BACH2: variants seen among roughly 807,000 people sequenced by gnomAD.
BACH2 encodes the protein BACH transcriptional regulator 2, also known as transcription regulator protein BACH2.
BACH2 carries 5 observed loss-of-function variants against 61.8 expected under a neutral mutation model. The ratio of observed to expected loss-of-function variants is 0.08; its 90% CI spans 0.04 to 0.17. The LOEUF is 0.17. BACH2 is among the 10% of genes least tolerant of loss of function. The probability of loss-of-function intolerance (pLI) is 1.00; values close to 1 mark genes in which losing one functional copy is unlikely to be tolerated. For synonymous variants in BACH2, 446 were observed against 440.1 expected (o/e 1.01, Z -0.17); for missense variants, 824 against 1,091.1 (o/e 0.76, Z 3.45).
chr6:89,959,451 C>G, intron 6 of BACH2, among the ~76,000 whole-genome samples: 1 of 152,108 alleles, frequency 6.6e-6, no homozygotes, highest in East Asian at 1.9e-4. Flanking sequence ...CACATTTTTG[C>G]TATGATTTCT....
chr6:90,286,910 T>C (rs1562543585), intron 1 of BACH2, among the ~76,000 whole-genome samples: 1 of 152,140 alleles, frequency 6.6e-6, no homozygotes, highest in African/African-American at 2.4e-5. Flanking sequence ...AAATTAAGTC[T>C]GGAACAAAGA....
At chr6:90,228,417 A>G (rs903737127) in intron 3 of BACH2, among the ~76,000 whole-genome samples, 1 of 152,234 alleles carries the variant, frequency 6.6e-6, no homozygotes, top group Non-Finnish European at 1.5e-5. Context: ...TTGCTCCTGG[A>G]AGAAAAAAAG....
intron 3 of BACH2, among the ~76,000 whole-genome samples, chr6:90,228,519 G>A (rs927357938): frequency 6.6e-6 from 1 of 152,194 alleles, no homozygotes; most frequent in African/African-American, 2.4e-5. Flanking sequence ...CAAGGCAGGC[G>A]GATTGCTTGA....
At chr6:89,943,213 A>G (rs886293036) in intron 7 of BACH2, among the ~76,000 whole-genome samples, 6 of 152,074 alleles carry the variant, frequency 3.9e-5, no homozygotes, top group Non-Finnish European at 5.9e-5. Flanking sequence ...TGGAACCTAC[A>G]TATGTCTCCT....
chr6:90,006,393 G>T (rs1777407537), intron 6 of BACH2, among the ~76,000 whole-genome samples: 1 of 152,180 alleles, frequency 6.6e-6, no homozygotes. Context: ...CCTGGCTACA[G>T]TGCAGCTGCC....
intron 4 of BACH2, among the ~76,000 whole-genome samples, chr6:90,137,661 T>A (rs1232688946): frequency 6.6e-6 from 1 of 152,218 alleles, no homozygotes; most frequent in Non-Finnish European, 1.5e-5. Context: ...GAGCTCATTT[T>A]TCTATGATTT....
intron 6 of BACH2, among the ~76,000 whole-genome samples, chr6:89,968,883 T>TGG (rs1775194886): frequency 3.3e-5 from 5 of 152,022 alleles, no homozygotes; most frequent in Non-Finnish European, 7.4e-5. Context: ...TGGTGGCGTA[T>TGG]GCCTGTAGTC....
At chr6:90,204,741 G>C (rs1769083031) in intron 4 of BACH2, among the ~76,000 whole-genome samples, 1 of 152,060 alleles carries the variant, frequency 6.6e-6, no homozygotes, top group Non-Finnish European at 1.5e-5. Flanking sequence ...CAAATACTAG[G>C]AGCCAAAAAA....
Position 89,950,240 on chromosome 6 carries a change from C to T in BACH2, c.1836+30G>A, listed in dbSNP as rs764771743. ...CAGATAAAGGGCCTAGAGAGTGGGT[C>T]ACATGCTTGAATTTATGTGGGTTCC... On this transcript the variant is annotated intron_variant, in intron 7 of 8. Transcript: ENST00000257749. This position sits in a 1 kb window ranked among gnomAD's most constrained non-coding sequence, Gnocchi z 5.3. 1.3e-5 allele frequency: 21 copies of T among 1,613,372 alleles called. 2 individuals carry two copies. The South Asian group carries it at 2.2e-4, about 17-fold the overall frequency.
chr6:89,936,669 A>G (rs146438470), intron 8 of BACH2, among the ~76,000 whole-genome samples: 1 of 152,186 alleles, frequency 6.6e-6, no homozygotes, highest in African/African-American at 2.4e-5. Flanking sequence ...GAGCTGCTAA[A>G]CACAGACATT....
At chr6:90,062,625 CT>C (rs982811205) in intron 5 of BACH2, among the ~76,000 whole-genome samples, 5 of 152,284 alleles carry the variant, frequency 3.3e-5, no homozygotes, top group African/African-American at 1.2e-4. Flanking sequence ...ACCCAAAGAC[CT>C]TTATGTATTT....
At chr6:90,076,829 C>T (rs1345015207) in intron 5 of BACH2, among the ~76,000 whole-genome samples, 1 of 152,146 alleles carries the variant, frequency 6.6e-6, no homozygotes, top group Non-Finnish European at 1.5e-5. Flanking sequence ...ATTCACTCCA[C>T]TCAGCCCTAA....
rs200675044 is a variant in BACH2, at chr6:90,092,280, T to TAAAAAAAAAAAAAAAAAA, written c.-161-3172_-161-3171insTTTTTTTTTTTTTTTTTT. On this transcript the variant is annotated intron_variant, in intron 4 of 8. Transcript: ENST00000257749. The stretch of plus-strand genomic sequence containing the variant: ...CTGTGCAATTGGCACACTGTCAAAG[T>TAAAAAAAAAAAAAAAAAA]AAAAAAAAAAAATATATATATATAT... Among the ~76,000 whole-genome samples the TAAAAAAAAAAAAAAAAAA allele has an allele frequency of 1.1e-3, 81 of 76,902 alleles. 11 individuals are homozygous for TAAAAAAAAAAAAAAAAAA. Among genetic ancestry groups the TAAAAAAAAAAAAAAAAAA allele is most frequent in the African/African-American group, 4.8e-3 (77 of 15,988 alleles). The allele number at this position is 76,902 out of a possible 152,430, so 50.5% of individuals were successfully genotyped here.
At chr6:90,186,912 T>G (rs1040003633) in intron 4 of BACH2, among the ~76,000 whole-genome samples, 1 of 152,196 alleles carries the variant, frequency 6.6e-6, no homozygotes. Context: ...ACTCTCAGAG[T>G]GCAAACTCTT....
At chr6:90,180,118 T>A (rs1562490109) in intron 4 of BACH2, among the ~76,000 whole-genome samples, 2 of 152,280 alleles carry the variant, frequency 1.3e-5, no homozygotes, top group African/African-American at 4.8e-5. Context: ...TAAACTTTAA[T>A]AATTTCAGAA....
At chr6:90,110,632 T>C (rs1351304214) in intron 4 of BACH2, among the ~76,000 whole-genome samples, 1 of 152,226 alleles carries the variant, frequency 6.6e-6, no homozygotes, top group Non-Finnish European at 1.5e-5. Context: ...ATTTTGTCAT[T>C]GGCAACAAAT....
intron 5 of BACH2, among the ~76,000 whole-genome samples, chr6:90,047,777 C>T (rs921387630): frequency 6.6e-6 from 1 of 152,086 alleles, no homozygotes; most frequent in African/African-American, 2.4e-5. Context: ...CCAGCAAACC[C>T]CAAAACCAGA....
intron 3 of BACH2, among the ~76,000 whole-genome samples, chr6:90,230,331 C>A (rs76216370): frequency 0.016 from 2,446 of 152,278 alleles, 41 homozygotes; most frequent in East Asian, 0.071. Flanking sequence ...TGGTACATAG[C>A]AAATGTTCAA....
At chr6:90,235,876 T>C (rs1489379922) in intron 3 of BACH2, among the ~76,000 whole-genome samples, 1 of 152,250 alleles carries the variant, frequency 6.6e-6, no homozygotes, top group Non-Finnish European at 1.5e-5. Context: ...GGCCTTCCTC[T>C]TTTCATTGTC....
Sources: allele counts gnomAD v4.1 joint callset (sites outside exome capture counted in the v4.1 genomes callset), GRCh38; gene constraint gnomAD v4.1.1; non-coding constraint Gnocchi (gnomAD v3.1); transcripts MANE v1.5; gene names NCBI Gene and HGNC (gene_info 2026-07-23, HGNC 2026-07-21).